The following OVCH1 variants were observed in gnomAD, a reference collection of about 807,000 sequenced individuals.
OVCH1 encodes ovochymase-1.
Under a neutral mutation model 138.4 loss-of-function variants are expected in OVCH1, and 139 were observed. The ratio of observed to expected loss-of-function variants is 1.00; its 90% confidence interval spans 0.87 to 1.16. OVCH1 has a LOEUF of 1.16. Ranked by LOEUF, OVCH1 falls within the 50% of genes most tolerant of loss-of-function variation. OVCH1 has a pLI of 0.00. For synonymous variants in OVCH1, 453 were observed against 467.8 expected (o/e 0.97, Z 0.41); for missense variants, 1,367 against 1,357.9 (o/e 1.01, Z -0.11).
At chr12:29,494,799 T>C (rs1301309838) in intron 4 of OVCH1, among the ~76,000 whole-genome samples, 1 of 152,078 alleles carries the variant, frequency 6.6e-6, no homozygotes, top group Non-Finnish European at 1.5e-5. Flanking sequence ...CCTGTGGCTA[T>C]GAGAGGCAGG....
At chr12:29,418,848 T>A (rs1340686956) in intron 3 of OVCH1, among the ~76,000 whole-genome samples, 2 of 152,220 alleles carry the variant, frequency 1.3e-5, no homozygotes, top group African/African-American at 4.8e-5. Context: ...TATATTATTT[T>A]ACATTTCTCT....
chr12:29,450,959 T>G (rs1385837824), intron 22 of OVCH1, among the ~76,000 whole-genome samples: 1 of 129,064 alleles, frequency 7.7e-6, no homozygotes, highest in African/African-American at 3.1e-5. Context: ...AAGTGGGAGT[T>G]GAACAACGAG....
Position 29,473,488 on chromosome 12 carries a change from A to C in OVCH1, c.1601-385T>G, listed in dbSNP as rs564092825. Among the ~76,000 whole-genome samples the C allele has an allele frequency of 1.2e-4, 18 of 152,134 alleles. No homozygotes were observed. In the South Asian group the frequency reaches 2.7e-3, roughly 23 times the overall value. ...GATGACTTCCAAATTTCTCTCTTCA[A>C]TCTAAATCTCTTTCCTGAATCCTAG... On this transcript the variant is annotated intron_variant, in intron 14 of 27. Transcript: ENST00000318184.
the OVCH1 span, among the ~76,000 whole-genome samples, chr12:29,403,132 T>G: frequency 6.6e-6 from 1 of 152,204 alleles, no homozygotes; most frequent in Non-Finnish European, 1.5e-5. Flanking sequence ...TTTCATAATG[T>G]GGATGTACTA....
chr12:29,464,659 G>A, exon 18 of OVCH1: 5 of 1,613,498 alleles, frequency 3.1e-6, no homozygotes, highest in Non-Finnish European at 4.2e-6. Context: ...ATAACTTAGT[G>A]TGTTAAAGTC....
chr12:29,439,295 C>G (rs756957611), intron 26 of OVCH1: 17 of 1,438,830 alleles, frequency 1.2e-5, no homozygotes, highest in African/African-American at 1.5e-5. Context: ...GTTATATAAG[C>G]CCAAGTTCTA....
intron 9 of OVCH1, among the ~76,000 whole-genome samples, chr12:29,478,591 A>G (rs1188312099): frequency 6.6e-6 from 1 of 151,888 alleles, no homozygotes; most frequent in East Asian, 1.9e-4. Flanking sequence ...CCTCCCCTTA[A>G]CCCTTCTAGA....
At chr12:29,460,422 C>T (rs1942091465) in intron 19 of OVCH1, among the ~76,000 whole-genome samples, 1 of 152,128 alleles carries the variant, frequency 6.6e-6, no homozygotes, top group Non-Finnish European at 1.5e-5. Flanking sequence ...CATTTATGTA[C>T]TCTAGCAGAC....
intron 18 of OVCH1, 61 bp from the exon 19 acceptor site, chr12:29,462,069 A>G: frequency 3.9e-6 from 6 of 1,549,272 alleles, no homozygotes; most frequent in Non-Finnish European, 5.3e-6. Flanking sequence ...GTTGTTAGAA[A>G]TGTATTTAAG....
At chr12:29,493,933 C>T (rs1189538342) in intron 4 of OVCH1, among the ~76,000 whole-genome samples, 1 of 152,172 alleles carries the variant, frequency 6.6e-6, no homozygotes, top group Admixed American at 6.5e-5. Flanking sequence ...ATTTCATTCT[C>T]TCAGAGAATT....
At chr12:29,427,695 T>TTTG in intron 27 of OVCH1, 1 of 1,538,444 alleles carries the variant, frequency 6.5e-7, no homozygotes, top group Non-Finnish European at 8.7e-7. Flanking sequence ...GTCTATGGTA[T>TTTG]TTGTTATAGC....
intron 3 of OVCH1, among the ~76,000 whole-genome samples, chr12:29,413,473 C>T (rs757169346): frequency 4.6e-5 from 7 of 152,192 alleles, no homozygotes; most frequent in African/African-American, 7.2e-5. Context: ...GGAAGAATCA[C>T]ATTTGCAGTA....
At chr12:29,478,854 T>G (rs1815997051) in exon 9 of OVCH1, 1 of 1,591,262 alleles carries the variant, frequency 6.3e-7, no homozygotes, top group Admixed American at 1.8e-5. Context: ...CTCCACTGCT[T>G]GATCGTAAAG....
At chr12:29,459,712 G>A (rs546056281) in intron 19 of OVCH1, among the ~76,000 whole-genome samples, 1 of 152,160 alleles carries the variant, frequency 6.6e-6, no homozygotes, top group East Asian at 1.9e-4. Flanking sequence ...ATTATTCCTT[G>A]TATCCCTGTA....
intron 16 of OVCH1, among the ~76,000 whole-genome samples, chr12:29,469,762 T>C (rs1438682463): frequency 6.6e-6 from 1 of 151,114 alleles, no homozygotes; most frequent in East Asian, 1.9e-4. Flanking sequence ...TAGTCCCAGC[T>C]GCTCAGAAGG....
At chr12:29,465,460 A>AAG (rs531594821) in intron 16 of OVCH1, among the ~76,000 whole-genome samples, 4 of 152,258 alleles carry the variant, frequency 2.6e-5, no homozygotes. Context: ...AGCAAAGCAG[A>AAG]AGAGAGAGAG....
At chr12:29,462,036 CGAT>C (rs1255966669) in intron 18 of OVCH1, 28 bp from the exon 19 acceptor site, 4 of 1,602,136 alleles carry the variant, frequency 2.5e-6, no homozygotes, top group Non-Finnish European at 3.4e-6. Context: ...AGAGAGAGCT[CGAT>C]GATGAAGTAA....
intron 25 of OVCH1, among the ~76,000 whole-genome samples, chr12:29,442,970 G>C: frequency 6.6e-6 from 1 of 152,030 alleles, no homozygotes; most frequent in African/African-American, 2.4e-5. Context: ...TTAAATTAAA[G>C]TAACCAGGCT....
At position 29,440,760 on chromosome 12, in the gene OVCH1, A is replaced by T. The variant is rs1390545003; in HGVS notation, c.3158-1326T>A. 2.2e-6 allele frequency: 1 copy of T among 455,882 alleles called. No individual in the cohort carries two copies. The highest frequency in any genetic ancestry group is 2.4e-5 in the Admixed American group (1 of 42,542). 28.2% of individuals were successfully genotyped at this position (455,882 alleles called of 1,614,324 possible). ...CAACATTCTCCTAAATAGAAACACA[A>T]ATATTCTTAATGCACTTACTTCTAG... On this transcript the variant is annotated intron_variant, in intron 25 of 27. Transcript: ENST00000318184.
Sources: gnomAD v4.1 joint callset for allele counts (sites outside exome capture counted in the v4.1 genomes callset) on GRCh38, gnomAD v4.1.1 for gene constraint, MANE v1.5 for transcripts, NCBI Gene and HGNC (gene_info 2026-07-23, HGNC 2026-07-21) for gene names.